The following SRD5A2 variants were observed in gnomAD, a reference collection of about 807,000 sequenced individuals.
SRD5A2 encodes steroid 5 alpha-reductase 2.
SRD5A2 carries 30 observed loss-of-function variants against 27.4 expected under a neutral mutation model. The ratio of observed to expected loss-of-function variants is 1.10; its 90% CI spans 0.82 to 1.49. The LOEUF is 1.49. SRD5A2 is among the 40% of genes most tolerant of loss of function. The pLI is 0.00. For synonymous variants in SRD5A2, 141 were observed against 133.6 expected, an observed-to-expected ratio of 1.06 and a Z score of -0.38; for missense variants, 348 against 323.4, an observed-to-expected ratio of 1.08 and a Z score of -0.58.
chr2:31,610,232 G>A, the SRD5A2 span, among the ~76,000 whole-genome samples: 1 of 152,048 alleles, frequency 6.6e-6, no homozygotes, highest in Non-Finnish European at 1.5e-5. Context: ...GAAAACTACA[G>A]GCCAATATAC....
chr2:31,555,019 G>A (rs1027089062), intron 1 of SRD5A2, among the ~76,000 whole-genome samples: 4 of 150,746 alleles, frequency 2.7e-5, no homozygotes, highest in African/African-American at 9.8e-5. Flanking sequence ...AAAGCTTACA[G>A]ACATAAGGTA....
the SRD5A2 span, among the ~76,000 whole-genome samples, chr2:31,638,472 C>A: frequency 6.6e-6 from 1 of 151,942 alleles, no homozygotes; most frequent in African/African-American, 2.4e-5. Flanking sequence ...TTTAATGTTT[C>A]TTTGTTGATT....
intron 1 of SRD5A2, among the ~76,000 whole-genome samples, chr2:31,547,790 T>A (rs534115927): frequency 6.6e-6 from 1 of 152,248 alleles, no homozygotes; most frequent in African/African-American, 2.4e-5. Flanking sequence ...TTATGAAACT[T>A]CTCAGCCTAC....
At chr2:31,529,549 C>A in intron 3 of SRD5A2, 92 bp from the exon 4 acceptor site, 1 of 1,510,746 alleles carries the variant, frequency 6.6e-7, no homozygotes, top group Non-Finnish European at 8.9e-7. Context: ...ACAAAGGCAG[C>A]AAGAACAAAT....
chr2:31,617,758 ACCAC>A, the SRD5A2 span, among the ~76,000 whole-genome samples: 7 of 152,214 alleles, frequency 4.6e-5, no homozygotes, highest in African/African-American at 1.7e-4. Flanking sequence ...TCCATCTGAG[ACCAC>A]CTTGGCCTGG....
the SRD5A2 span, among the ~76,000 whole-genome samples, chr2:31,608,718 T>C: frequency 6.6e-6 from 1 of 151,332 alleles, no homozygotes; most frequent in Non-Finnish European, 1.5e-5. Context: ...ACAAAAGGAG[T>C]GCAAGACTTG....
At chr2:31,603,449 T>C in the SRD5A2 span, among the ~76,000 whole-genome samples, 2 of 152,124 alleles carry the variant, frequency 1.3e-5, no homozygotes, top group South Asian at 2.1e-4. Flanking sequence ...TTGGTGGGAA[T>C]GTAAATTAGT....
At chr2:31,599,804 T>C in the SRD5A2 span, among the ~76,000 whole-genome samples, 1 of 151,900 alleles carries the variant, frequency 6.6e-6, no homozygotes, top group Non-Finnish European at 1.5e-5. Flanking sequence ...CTGAAATAAA[T>C]GAAATGAAGA....
upstream of SRD5A2, among the ~76,000 whole-genome samples, chr2:31,585,866 C>T (rs542121114): frequency 6.6e-6 from 1 of 152,072 alleles, no homozygotes; most frequent in Admixed American, 6.6e-5. Flanking sequence ...GCAGTCACCA[C>T]CAGCTGACTT....
chr2:31,581,424 G>C (rs1421540788), upstream of SRD5A2, among the ~76,000 whole-genome samples: 1 of 152,002 alleles, frequency 6.6e-6, no homozygotes, highest in African/African-American at 2.4e-5. Flanking sequence ...ACCTTCCTTG[G>C]ACCCTGAACC....
the SRD5A2 span, among the ~76,000 whole-genome samples, chr2:31,591,091 C>A: frequency 6.6e-6 from 1 of 152,294 alleles, no homozygotes; most frequent in African/African-American, 2.4e-5. Flanking sequence ...CAAATGGGAT[C>A]TAATTAAACT....
intron 1 of SRD5A2, among the ~76,000 whole-genome samples, chr2:31,549,050 A>C (rs1372769727): frequency 6.7e-6 from 1 of 150,362 alleles, no homozygotes; most frequent in Non-Finnish European, 1.5e-5. Flanking sequence ...AGAAAGTAGA[A>C]TGGTGGCTTC....
At chr2:31,575,027 C>T (rs1666927469) in intron 1 of SRD5A2, among the ~76,000 whole-genome samples, 1 of 152,188 alleles carries the variant, frequency 6.6e-6, no homozygotes, top group Non-Finnish European at 1.5e-5. Flanking sequence ...CTAAAAAAAT[C>T]CTTCAATTAA....
At chr2:31,541,237 T>A (rs1222244803) in intron 1 of SRD5A2, among the ~76,000 whole-genome samples, 1 of 151,976 alleles carries the variant, frequency 6.6e-6, no homozygotes, top group African/African-American at 2.4e-5. Context: ...TAAAGCAATT[T>A]TTATAAACAA....
the SRD5A2 span, among the ~76,000 whole-genome samples, chr2:31,629,063 G>A: frequency 6.6e-6 from 1 of 152,010 alleles, no homozygotes; most frequent in Non-Finnish European, 1.5e-5. Flanking sequence ...TTTAAACTAG[G>A]GTGGTGCTTG....
At chr2:31,550,779 A>G (rs1666366823) in intron 1 of SRD5A2, among the ~76,000 whole-genome samples, 1 of 152,048 alleles carries the variant, frequency 6.6e-6, no homozygotes, top group Non-Finnish European at 1.5e-5. Flanking sequence ...ATTATATCGA[A>G]CAGTCAGTAA....
intron 1 of SRD5A2, among the ~76,000 whole-genome samples, chr2:31,559,209 T>G (rs184613208): frequency 1.7e-3 from 261 of 152,316 alleles, no homozygotes; most frequent in African/African-American, 6.0e-3. Flanking sequence ...ATGTTGCCAC[T>G]TTGGCTTGAC....
At chr2:31,541,317 A>C (rs556117985) in intron 1 of SRD5A2, among the ~76,000 whole-genome samples, 11 of 151,648 alleles carry the variant, frequency 7.3e-5, no homozygotes, top group African/African-American at 2.4e-4. Context: ...TTACCACATC[A>C]TTAAATTGAA....
At chr2:31,614,190 C>A in the SRD5A2 span, among the ~76,000 whole-genome samples, 3 of 152,152 alleles carry the variant, frequency 2.0e-5, no homozygotes, top group Non-Finnish European at 4.4e-5. Flanking sequence ...GCCTATGAGC[C>A]TGCAAAATCA....
Sources: allele counts gnomAD v4.1 joint callset (sites outside exome capture counted in the v4.1 genomes callset), GRCh38; gene constraint gnomAD v4.1.1; transcripts MANE v1.5; gene names NCBI Gene and HGNC (gene_info 2026-07-23, HGNC 2026-07-21).